The following MARK1 variants were observed in gnomAD, a reference collection of about 807,000 sequenced individuals.
MARK1 encodes serine/threonine-protein kinase MARK1.
A neutral mutation model predicts 96.3 loss-of-function variants in MARK1; 40 were observed. The observed-to-expected ratio is 0.42, with a 90% CI of 0.32 to 0.54. The LOEUF (loss-of-function observed/expected upper bound fraction) is 0.54. MARK1 is among the 20% of genes least tolerant of loss of function. MARK1 has a pLI of 0.16. For missense variants in MARK1, 719 were observed against 984.6 expected, an observed-to-expected ratio of 0.73 and a Z score of 3.61; for synonymous variants, 317 against 341.2, an observed-to-expected ratio of 0.93 and a Z score of 0.78.
Position 220,632,287 on chromosome 1 carries a change from A to G in MARK1, c.1096A>G (p.Ile366Val). 1 of 1,554,540 alleles carries G rather than the reference A, an allele frequency of 6.4e-7. No individual in the cohort carries two copies. Among genetic ancestry groups the G allele is most frequent in the Non-Finnish European group, 8.7e-7 (1 of 1,151,912 alleles). ...QKYDEVMATY[I>V]LLGRKPPEFE... ...GTATGATGAAGTTATGGCTACTTAT[A>G]TTCTTCTAGGTAGAAAACCACCTGA... Residue 366 changes from isoleucine (I) to valine (V), a missense_variant, in exon 11 of 18, where the codon ATT (isoleucine) becomes GTT (valine). Physicochemically the swap from Ile to Val is conservative, Grantham distance 29. This residue lies in a region of MARK1 where 501 missense variants were observed against 588.3 expected (regional missense o/e 0.85). Transcript: ENST00000366917.
chr1:220,618,197 C>A lies in MARK1; in HGVS notation c.553-113C>A. On this transcript the variant is annotated intron_variant, in intron 7 of 17. Transcript: ENST00000366917. The surrounding 1 kb of genome is among the most constrained non-coding windows in gnomAD (Gnocchi z 4.6). ...TACTGGGCTTCTAAATTTGATACTACATTTAGAAATGAGGGGCAAGAGATA... is the reference window on the plus strand; with the variant it reads ...TACTGGGCTTCTAAATTTGATACTAAATTTAGAAATGAGGGGCAAGAGATA... The A allele has an allele frequency of 1.5e-6, 1 of 682,008 alleles. No individual in the cohort carries two copies. Among genetic ancestry groups the A allele is most frequent in the South Asian group, 1.9e-5 (1 of 52,056 alleles). 42.2% of individuals were successfully genotyped at this position (682,008 alleles called of 1,614,324 possible). A position where few individuals can be genotyped will look rare whatever the true frequency, so the allele number is the denominator to read the frequency against.
chr1:220,631,326 T>C (rs1161731072), intron 10 of MARK1, among the ~76,000 whole-genome samples, 192 bp downstream of exon 10: 1 of 152,210 alleles, frequency 6.6e-6, no homozygotes, highest in Non-Finnish European at 1.5e-5. Flanking sequence ...ATATATATTA[T>C]GGTCTAATTC....
chr1:220,661,336 A>G (rs1378619718), intron 17 of MARK1, among the ~76,000 whole-genome samples: 2 of 152,194 alleles, frequency 1.3e-5, no homozygotes, highest in African/African-American at 2.4e-5. Context: ...ATTGCAGTAC[A>G]ACATTCTTTC....
intron 6 of MARK1, among the ~76,000 whole-genome samples, chr1:220,614,911 A>C (rs1666654448): frequency 6.6e-6 from 1 of 152,020 alleles, no homozygotes; most frequent in Non-Finnish European, 1.5e-5. Flanking sequence ...TTTTCCACCC[A>C]TATTCCTATT....
chr1:220,560,343 T>A (rs566095536), intron 1 of MARK1, among the ~76,000 whole-genome samples: 81 of 152,190 alleles, frequency 5.3e-4, no homozygotes, highest in Non-Finnish European at 9.8e-4. Context: ...CATGAATTTC[T>A]TTTTCCTCCT....
intron 1 of MARK1, chr1:220,576,677 A>G (rs1663873316): frequency 6.6e-6 from 1 of 152,220 alleles, no homozygotes; most frequent in Non-Finnish European, 1.5e-5. Flanking sequence ...CTTACTCCTC[A>G]GAAGTCATTC....
At chr1:220,596,662 GA>G (rs1424549162) in intron 3 of MARK1, among the ~76,000 whole-genome samples, 1 of 152,084 alleles carries the variant, frequency 6.6e-6, no homozygotes, top group Non-Finnish European at 1.5e-5. Flanking sequence ...AACATTTATT[GA>G]TTCATTTTTG....
chr1:220,533,224 ATTG>A (rs1660449163), intron 1 of MARK1, among the ~76,000 whole-genome samples: 1 of 152,112 alleles, frequency 6.6e-6, no homozygotes, highest in Non-Finnish European at 1.5e-5. Flanking sequence ...TGCAGCTAAT[ATTG>A]TTGTTTGTTG....
At chr1:220,626,998 C>G in intron 9 of MARK1, 2 of 530,260 alleles carry the variant, frequency 3.8e-6, no homozygotes, top group Non-Finnish European at 7.7e-6. Context: ...TTCCATACAG[C>G]GACTACTTGG....
At chr1:220,588,543 G>T (rs917528630) in intron 3 of MARK1, among the ~76,000 whole-genome samples, 1 of 152,078 alleles carries the variant, frequency 6.6e-6, no homozygotes, top group Non-Finnish European at 1.5e-5. Flanking sequence ...ATCTCTTTCT[G>T]TGCTACGATT....
chr1:220,528,853 A>G lies in MARK1; in HGVS notation c.31A>G (p.Asn11Asp). The G allele has an allele frequency of 6.4e-7, 1 of 1,571,568 alleles. No individual in the cohort carries two copies. The highest frequency in any genetic ancestry group is 8.6e-7 in the Non-Finnish European group (1 of 1,157,946). MSARTPLPTV[N>D]ERDTENHTSV... is the part of the protein sequence containing the mutation. ...GGCCCGGACGCCATTGCCGACGGTG[A>G]ACGAGCGGGACACGGAAAATGTGAG... Residue 11 changes from asparagine (N) to aspartate (D), a missense_variant, in exon 1 of 18, where the codon AAC (asparagine) becomes GAC (aspartate). Asn to Asp is a conservative substitution (Grantham distance 23). Around this residue, in one of 4 missense-constraint regions of MARK1, gnomAD observed 105 missense variants for 133.4 expected, o/e 0.79. Transcript: ENST00000366917.
At chr1:220,657,867 G>A (rs1321500498) in intron 17 of MARK1, 33 bp downstream of exon 17, 1 of 1,471,588 alleles carries the variant, frequency 6.8e-7, no homozygotes, top group Non-Finnish European at 9.0e-7. Flanking sequence ...TCGCTGCTAG[G>A]TCCCTGTGTA....
Position 220,615,909 on chromosome 1 carries a change from T to C in MARK1, c.496-30T>C, listed in dbSNP as rs765049601. On this transcript the variant is annotated intron_variant, in intron 6 of 17. Transcript: ENST00000366917. ...GGGAAAATTGCGTTTTTTTAATAAT[T>C]TGACTCTTTTATCCAAATGTTTATT... 5 of 1,273,722 alleles carry C rather than the reference T, an allele frequency of 3.9e-6. No homozygotes were observed. In the East Asian group the frequency reaches 9.6e-5, roughly 24 times the overall value. 78.9% of individuals were successfully genotyped at this position (1,273,722 alleles called of 1,614,324 possible).
chr1:220,566,922 TAATA>T (rs1346366472), intron 1 of MARK1, among the ~76,000 whole-genome samples: 1 of 152,134 alleles, frequency 6.6e-6, no homozygotes, highest in Non-Finnish European at 1.5e-5. Context: ...ACTAACTACT[TAATA>T]GTCTTTTGTT....
At chr1:220,660,472 T>G (rs1572251911) in intron 17 of MARK1, among the ~76,000 whole-genome samples, 1 of 152,134 alleles carries the variant, frequency 6.6e-6, no homozygotes. Context: ...TATCATACTA[T>G]TGATACAAAA....
At chr1:220,646,794 C>G (rs1460550093) in intron 13 of MARK1, among the ~76,000 whole-genome samples, 1 of 152,096 alleles carries the variant, frequency 6.6e-6, no homozygotes, top group Non-Finnish European at 1.5e-5. Flanking sequence ...CAAAAACAAG[C>G]AATGGGGAAA....
In MARK1 at chr1:220,654,348, T is replaced by C. The variant is rs1669055930; in HGVS notation, c.1988+996T>C. On this transcript the variant is annotated intron_variant, in intron 16 of 17. Transcript: ENST00000366917. The surrounding 1 kb of genome is among the most constrained non-coding windows in gnomAD (Gnocchi z 4.0). ...TACTTAGTTTCCAATGTTATTAGTG[T>C]TTCTAGGATTTCAAAGAGTGGATGT... Among the ~76,000 whole-genome samples the C allele has an allele frequency of 1.3e-5, 2 of 152,232 alleles. No homozygotes were observed. Among genetic ancestry groups the C allele is most frequent in the Admixed American group, 1.3e-4 (2 of 15,286 alleles).
intron 9 of MARK1, among the ~76,000 whole-genome samples, chr1:220,623,404 CAG>C (rs1211289190): frequency 2.0e-5 from 3 of 152,152 alleles, no homozygotes; most frequent in South Asian, 2.1e-4. Context: ...AAAAAAATAA[CAG>C]AGTTATTAAC....
At chr1:220,609,017 A>G (rs1477033859) in intron 6 of MARK1, among the ~76,000 whole-genome samples, 1 of 152,196 alleles carries the variant, frequency 6.6e-6, no homozygotes, top group Non-Finnish European at 1.5e-5. Flanking sequence ...TGATGCTGAG[A>G]AGAATGTATA....
Sources: allele counts gnomAD v4.1 joint callset (sites outside exome capture counted in the v4.1 genomes callset), GRCh38; gene constraint gnomAD v4.1.1; regional missense constraint gnomAD v4.1.1; non-coding constraint Gnocchi (gnomAD v3.1); transcripts MANE v1.5; gene names NCBI Gene and HGNC (gene_info 2026-07-23, HGNC 2026-07-21).